The following DAB1 variants were observed in gnomAD, a reference collection of about 807,000 sequenced individuals.
The protein encoded by DAB1 is disabled homolog 1.
A neutral mutation model predicts 64.6 loss-of-function variants in DAB1; 15 were observed. The ratio of observed to expected loss-of-function variants is 0.23; its 90% CI spans 0.16 to 0.36. The LOEUF (loss-of-function observed/expected upper bound fraction) is 0.36. Among genes scored for constraint, DAB1 ranks in the 10% least tolerant of loss-of-function variants. The probability of loss-of-function intolerance (pLI) is 1.00; values close to 1 mark genes in which losing one functional copy is unlikely to be tolerated. For missense variants in DAB1, 596 were observed against 706.7 expected, an observed-to-expected ratio of 0.84 and a Z score of 1.78; for synonymous variants, 235 against 251.9, an observed-to-expected ratio of 0.93 and a Z score of 0.64.
At chr1:58,393,095 C>T (rs527575877) in intron 3 of DAB1, among the ~76,000 whole-genome samples, 2 of 148,220 alleles carry the variant, frequency 1.3e-5, no homozygotes, top group South Asian at 4.4e-4. Context: ...ATCATAGCTA[C>T]ATACCATGCT....
At chr1:58,343,867 T>TAGGAG (rs1345381757) in intron 3 of DAB1, among the ~76,000 whole-genome samples, 4 of 152,184 alleles carry the variant, frequency 2.6e-5, no homozygotes, top group African/African-American at 9.7e-5. Context: ...TGTTAAGAAA[T>TAGGAG]AGGAGAGGAG....
intron 3 of DAB1, among the ~76,000 whole-genome samples, chr1:58,499,827 T>A (rs1645877451): frequency 6.6e-6 from 1 of 151,492 alleles, no homozygotes; most frequent in Non-Finnish European, 1.5e-5. Context: ...AAAAAAAAAC[T>A]GGCTATATTT....
chr1:58,533,803 G>A (rs1406445921), intron 1 of DAB1: 12 of 605,524 alleles, frequency 2.0e-5, no homozygotes, highest in African/African-American at 5.7e-5. Context: ...AGCCAATCAC[G>A]TTTTTTTCAG....
At chr1:57,602,577 A>G (rs1233459032) in intron 7 of DAB1, among the ~76,000 whole-genome samples, 1 of 152,222 alleles carries the variant, frequency 6.6e-6, no homozygotes, top group African/African-American at 2.4e-5. Flanking sequence ...GATTTTGGTT[A>G]GCTTAAATGG....
chr1:57,332,812 G>A (rs917196558), intron 1 of DAB1, among the ~76,000 whole-genome samples: 13 of 152,168 alleles, frequency 8.5e-5, no homozygotes, highest in African/African-American at 2.9e-4. Flanking sequence ...ATGGAAGTTG[G>A]AGTAAAGTCC....
intron 7 of DAB1, among the ~76,000 whole-genome samples, chr1:57,528,070 A>G (rs1398625847): frequency 6.6e-6 from 1 of 152,198 alleles, no homozygotes; most frequent in Non-Finnish European, 1.5e-5. Flanking sequence ...CAAAAAAATG[A>G]GAATTCACAA....
chr1:57,614,397 T>C (rs192060433), intron 7 of DAB1, among the ~76,000 whole-genome samples: 1 of 152,290 alleles, frequency 6.6e-6, no homozygotes, highest in East Asian at 1.9e-4. Context: ...GGAGGAGCTT[T>C]TAGAAACAGA....
intron 5 of DAB1, among the ~76,000 whole-genome samples, chr1:57,904,418 T>C (rs1644520248): frequency 6.6e-6 from 1 of 152,186 alleles, no homozygotes; most frequent in Non-Finnish European, 1.5e-5. Context: ...GGTCCTGGGA[T>C]CTGTGACTGT....
chr1:57,786,072 A>T (rs1650323259), intron 6 of DAB1, among the ~76,000 whole-genome samples: 1 of 152,194 alleles, frequency 6.6e-6, no homozygotes, highest in African/African-American at 2.4e-5. Flanking sequence ...CCAGCAAAGA[A>T]GATCACGACT....
chr1:58,323,204 T>C (rs529652223), intron 4 of DAB1, among the ~76,000 whole-genome samples: 44 of 151,478 alleles, frequency 2.9e-4, no homozygotes, highest in African/African-American at 1.0e-3. Flanking sequence ...CAAACCTGCA[T>C]GTTGTGCACA....
At chr1:57,016,275 A>C (rs1272587553) in intron 11 of DAB1, among the ~76,000 whole-genome samples, 1 of 151,994 alleles carries the variant, frequency 6.6e-6, no homozygotes, top group Admixed American at 6.6e-5. Flanking sequence ...TCTTATTCCA[A>C]TTTTAGAGAA....
At chr1:58,196,153 A>G (rs773579585) in intron 4 of DAB1, among the ~76,000 whole-genome samples, 20 of 152,186 alleles carry the variant, frequency 1.3e-4, no homozygotes, top group Non-Finnish European at 2.2e-4. Context: ...TAGCTATTCA[A>G]CCAGCAGATG....
intron 5 of DAB1, among the ~76,000 whole-genome samples, chr1:58,030,136 G>C (rs1646950008): frequency 6.6e-6 from 1 of 152,094 alleles, no homozygotes; most frequent in Admixed American, 6.6e-5. Context: ...GAACCTGGGA[G>C]GCAGAGGTTG....
chr1:57,540,880 C>G (rs145689037), intron 7 of DAB1, among the ~76,000 whole-genome samples: 1,839 of 152,070 alleles, frequency 0.012, 125 homozygotes, highest in Admixed American at 0.11. Context: ...TACAGTTAGA[C>G]AGAAGGAAAA....
At chr1:57,718,226 T>TA (rs1647108417) in intron 6 of DAB1, among the ~76,000 whole-genome samples, 2 of 152,180 alleles carry the variant, frequency 1.3e-5, no homozygotes, top group Non-Finnish European at 2.9e-5. Context: ...CATTTAATCC[T>TA]TACACAATGT....
intron 6 of DAB1, among the ~76,000 whole-genome samples, chr1:57,816,949 C>T (rs1038107994): frequency 6.6e-6 from 1 of 152,182 alleles, no homozygotes; most frequent in Admixed American, 6.5e-5. Flanking sequence ...CCCCTTCTCA[C>T]CTTCTCATTC....
chr1:57,313,821 T>C (rs1325198380), intron 1 of DAB1, among the ~76,000 whole-genome samples: 2 of 152,152 alleles, frequency 1.3e-5, no homozygotes, highest in African/African-American at 4.8e-5. Context: ...AATTTGGAGG[T>C]GCAGCCTTTG....
At chr1:58,234,577 T>C (rs567353690) in intron 4 of DAB1, among the ~76,000 whole-genome samples, 1 of 152,300 alleles carries the variant, frequency 6.6e-6, no homozygotes, top group Admixed American at 6.5e-5. Context: ...GGCCCACCTA[T>C]CTATTCCCCT....
intron 7 of DAB1, among the ~76,000 whole-genome samples, chr1:57,587,408 AC>A (rs777710238): frequency 5.9e-4 from 90 of 152,324 alleles, no homozygotes; most frequent in Admixed American, 4.7e-3. Flanking sequence ...ACTCTGAGAC[AC>A]AGATTGCTGT....
Sources: gnomAD v4.1 joint callset for allele counts (sites outside exome capture counted in the v4.1 genomes callset) on GRCh38, gnomAD v4.1.1 for gene constraint, MANE v1.5 for transcripts, NCBI Gene and HGNC (gene_info 2026-07-23, HGNC 2026-07-21) for gene names.